Variants in TRPM7 observed in about 807,000 individuals in gnomAD.
The protein encoded by TRPM7 is transient receptor potential cation channel subfamily M member 7.
Under a neutral mutation model 229.7 loss-of-function variants are expected in TRPM7, and 134 were observed. The ratio of observed to expected loss-of-function variants is 0.58; its 90% CI spans 0.51 to 0.67. The LOEUF is 0.67. Among genes scored for constraint, TRPM7 ranks in the 30% least tolerant of loss-of-function variants. The pLI is 0.00. For missense variants in TRPM7, 1,901 were observed against 2,210.0 expected, an observed-to-expected ratio of 0.86 and a Z score of 2.80; for synonymous variants, 699 against 715.2, an observed-to-expected ratio of 0.98 and a Z score of 0.36.
intron 36 of TRPM7, among the ~76,000 whole-genome samples, chr15:50,570,576 C>T (rs545227566): frequency 1.1e-4 from 16 of 151,496 alleles, no homozygotes; most frequent in African/African-American, 3.9e-4. Context: ...GGCGCAGTGG[C>T]TCACGCCTGT....
intron 2 of TRPM7, among the ~76,000 whole-genome samples, chr15:50,661,193 T>G (rs1173095528): frequency 6.6e-6 from 1 of 152,028 alleles, no homozygotes; most frequent in East Asian, 1.9e-4. Flanking sequence ...GCCAGGCTGG[T>G]CTCGAACTCC....
chr15:50,652,006 A>C (rs1363435740), intron 3 of TRPM7, among the ~76,000 whole-genome samples: 1 of 151,972 alleles, frequency 6.6e-6, no homozygotes, highest in Non-Finnish European at 1.5e-5. Context: ...AGCAAATTAA[A>C]CTCAAAGTAA....
chr15:50,660,086 A>G (rs1400767004), intron 2 of TRPM7, among the ~76,000 whole-genome samples: 6 of 152,258 alleles, frequency 3.9e-5, no homozygotes, highest in Non-Finnish European at 8.8e-5. Flanking sequence ...CTTTATGAAT[A>G]GCCATGTGAC....
At chr15:50,662,938 G>C (rs760199479) in intron 2 of TRPM7, 29 bp downstream of exon 2, 1 of 1,498,502 alleles carries the variant, frequency 6.7e-7, no homozygotes, top group South Asian at 1.2e-5. Context: ...ATTTCTAGAA[G>C]ACCCCAGAAG....
chr15:50,676,140 A>G (rs977694156), intron 1 of TRPM7, among the ~76,000 whole-genome samples: 14 of 152,202 alleles, frequency 9.2e-5, no homozygotes, highest in Non-Finnish European at 1.3e-4. Flanking sequence ...CCAGTCTACC[A>G]GCAATAAGGG....
Position 50,574,975 on chromosome 15 carries a change from G to A in TRPM7, c.4896C>T (p.Thr1632=). The A allele has an allele frequency of 3.1e-6, 5 of 1,614,050 alleles. No homozygotes were observed. The highest frequency in any genetic ancestry group is 4.2e-6 in the Non-Finnish European group (5 of 1,179,990). Residue 1632 remains threonine (T), a synonymous_variant, in exon 34 of 39, where the codon ACC becomes ACT. Coordinates refer to ENST00000646667, the MANE Select transcript of TRPM7 (RefSeq NM_017672.6). Reference sequence around the variant, plus strand: ...ATTTGAGGATATCATGTTCTGACCAGGTACACTGTACTTTGACAGCTCTTC... The same window carrying A: ...ATTTGAGGATATCATGTTCTGACCAAGTACACTGTACTTTGACAGCTCTTC... ...GLRRAVKVQC[T]WSEHDILKSG... is the part of the protein sequence containing the mutation.
intron 13 of TRPM7, 57 bp downstream of exon 13, chr15:50,619,688 G>T: frequency 1.5e-6 from 2 of 1,311,116 alleles, no homozygotes; most frequent in South Asian, 1.4e-5. Flanking sequence ...TAAAAAACAT[G>T]AAATATAAAT....
intron 7 of TRPM7, among the ~76,000 whole-genome samples, chr15:50,635,590 G>C (rs944723193): frequency 3.4e-5 from 5 of 148,110 alleles, no homozygotes; most frequent in African/African-American, 7.5e-5. Flanking sequence ...TTGAACCCGG[G>C]AGGCGAAAGT....
chr15:50,686,481 G>C, intron 1 of TRPM7, 50 bp downstream of exon 1: 1 of 1,613,804 alleles, frequency 6.2e-7, no homozygotes, highest in Non-Finnish European at 8.5e-7. Flanking sequence ...CTCCTTTACC[G>C]CCCGCAACCC....
chr15:50,565,559 T>C (rs1442147536), intron 38 of TRPM7, among the ~76,000 whole-genome samples: 1 of 152,144 alleles, frequency 6.6e-6, no homozygotes, highest in Non-Finnish European at 1.5e-5. Flanking sequence ...CAATAGTATA[T>C]GTGTATGCAT....
intron 10 of TRPM7, among the ~76,000 whole-genome samples, chr15:50,630,593 CAT>C (rs113467875): frequency 0.02 from 3,075 of 152,270 alleles, 117 homozygotes; most frequent in African/African-American, 0.071. Context: ...ATGAAGATGA[CAT>C]GTTTTAAAAT....
chr15:50,613,263 G>A (rs2140486133), intron 15 of TRPM7, among the ~76,000 whole-genome samples: 1 of 152,180 alleles, frequency 6.6e-6, no homozygotes, highest in East Asian at 1.9e-4. Flanking sequence ...CAGCAGTTTG[G>A]GAGGCTGAGG....
At chr15:50,647,806 G>C (rs12907472) in intron 4 of TRPM7, among the ~76,000 whole-genome samples, 1 of 152,012 alleles carries the variant, frequency 6.6e-6, no homozygotes, top group Middle Eastern at 3.2e-3. Context: ...CCACGTTTAT[G>C]GTTTCAACCA....
At chr15:50,578,250 A>G (rs2054230703) in intron 31 of TRPM7, among the ~76,000 whole-genome samples, 1 of 152,224 alleles carries the variant, frequency 6.6e-6, no homozygotes, top group Non-Finnish European at 1.5e-5. Context: ...AGTGGGATGT[A>G]TAGTGGAGGA....
At chr15:50,682,820 C>T (rs2062271696) in intron 1 of TRPM7, among the ~76,000 whole-genome samples, 1 of 152,006 alleles carries the variant, frequency 6.6e-6, no homozygotes, top group Non-Finnish European at 1.5e-5. Context: ...ATAAATGACT[C>T]AGTTAAAATC....
chr15:50,605,920 T>A (rs901158433), intron 20 of TRPM7, among the ~76,000 whole-genome samples: 4 of 152,230 alleles, frequency 2.6e-5, no homozygotes, highest in African/African-American at 4.8e-5. Flanking sequence ...AGAAATTCCT[T>A]CTGGTTCGAG....
intron 4 of TRPM7, 102 bp downstream of exon 4, chr15:50,648,581 CAAAT>C (rs2061333525): frequency 1.0e-6 from 1 of 963,150 alleles, no homozygotes; most frequent in Non-Finnish European, 1.5e-6. Context: ...TTAAAATATA[CAAAT>C]AAATTACTGA....
chr15:50,600,728 G>A (rs989204775), intron 21 of TRPM7, among the ~76,000 whole-genome samples: 4 of 152,140 alleles, frequency 2.6e-5, no homozygotes, highest in African/African-American at 9.7e-5. Flanking sequence ...AGTCAAGGCC[G>A]GATAAAGTAA....
chr15:50,665,947 C>A (rs971739626), intron 1 of TRPM7, among the ~76,000 whole-genome samples: 4 of 152,026 alleles, frequency 2.6e-5, no homozygotes, highest in African/African-American at 7.2e-5. Flanking sequence ...GAGCCCAGAT[C>A]GTGCTACTGC....
Sources: allele counts gnomAD v4.1 joint callset (sites outside exome capture counted in the v4.1 genomes callset), GRCh38; gene constraint gnomAD v4.1.1; transcripts MANE v1.5; gene names NCBI Gene and HGNC (gene_info 2026-07-23, HGNC 2026-07-21).